CS: variants seen among roughly 807,000 people sequenced by gnomAD.
CS encodes citrate synthase, also known as citrate synthase, mitochondrial.
Under a neutral mutation model 61.4 loss-of-function variants are expected in CS, and 13 were observed. The observed-to-expected ratio is 0.21, with a 90% CI of 0.14 to 0.34. The LOEUF (loss-of-function observed/expected upper bound fraction) is 0.34. CS is among the 10% of genes least tolerant of loss of function. CS has a pLI of 1.00. For synonymous variants in CS, 159 were observed against 215.2 expected (o/e 0.74, Z 2.29); for missense variants, 278 against 573.4 (o/e 0.48, Z 5.26).
intron 6 of CS, among the ~76,000 whole-genome samples, chr12:56,276,586 G>A (rs1592405934): frequency 6.6e-6 from 1 of 152,170 alleles, no homozygotes; most frequent in African/African-American, 2.4e-5. Flanking sequence ...TTGTTGCCCA[G>A]GCTGGAGTGC....
At chr12:56,286,256 G>A in intron 2 of CS, 1 of 559,530 alleles carries the variant, frequency 1.8e-6, no homozygotes, top group South Asian at 2.3e-5. Context: ...TTCTGGAGAT[G>A]GATGGTTGCA....
intron 1 of CS, among the ~76,000 whole-genome samples, chr12:56,296,975 A>G (rs1335337144): frequency 2.0e-5 from 3 of 152,182 alleles, no homozygotes; most frequent in African/African-American, 7.2e-5. Context: ...TGTTGAACCC[A>G]ATTTCTGAGT....
At chr12:56,277,073 C>T (rs998128717) in intron 6 of CS, among the ~76,000 whole-genome samples, 2 of 150,594 alleles carry the variant, frequency 1.3e-5, no homozygotes, top group East Asian at 2.0e-4. Context: ...TGGTGTGGGC[C>T]GGCGCCTATA....
intron 10 of CS, 137 bp downstream of exon 10, chr12:56,273,450 C>G (rs1872559702): frequency 2.0e-6 from 2 of 1,019,706 alleles, no homozygotes; most frequent in Non-Finnish European, 2.9e-6. Flanking sequence ...AACCCCCAAC[C>G]CTCTCATAGT....
At chr12:56,283,311 T>C (rs910071666) in intron 4 of CS, among the ~76,000 whole-genome samples, 1 of 152,286 alleles carries the variant, frequency 6.6e-6, no homozygotes, top group Non-Finnish European at 1.5e-5. Context: ...TGGTGCGATC[T>C]CGGCTCACTG....
intron 3 of CS, among the ~76,000 whole-genome samples, chr12:56,284,319 CAAAAAAAA>C (rs57352870): frequency 4.1e-5 from 3 of 73,362 alleles, no homozygotes; most frequent in Non-Finnish European, 8.1e-5. Flanking sequence ...AACTCCATCT[CAAAAAAAA>C]AAAAAAAAAA....
At chr12:56,273,341 A>G (rs1318915644) in intron 10 of CS, 87 bp from the exon 11 acceptor site, 2 of 1,387,072 alleles carry the variant, frequency 1.4e-6, no homozygotes, top group Non-Finnish European at 2.0e-6. Context: ...TAAAAGCTAA[A>G]TTTTCCATTT....
intron 7 of CS, chr12:56,275,453 G>C: frequency 3.7e-6 from 1 of 268,656 alleles, no homozygotes; most frequent in Non-Finnish European, 7.3e-6. Flanking sequence ...CACATCTGTA[G>C]TCCTAGCTAC....
At chr12:56,292,709 C>T (rs1425195901) in intron 1 of CS, among the ~76,000 whole-genome samples, 2 of 146,896 alleles carry the variant, frequency 1.4e-5, no homozygotes, top group South Asian at 4.3e-4. Context: ...AGGGTGAAAC[C>T]CCATCTCTAC....
Position 56,282,797 on chromosome 12 carries a change from G to A in CS, c.399+63C>T. On this transcript the variant is annotated intron_variant, in intron 5 of 10. Coordinates refer to ENST00000351328, the MANE Select transcript of CS (RefSeq NM_004077.3). ...AATGCCGGATCAGCATTAAGTGTCTGAGATTAGAGAAAGGCAATGAAGAAG... is the reference window on the plus strand; with the variant it reads ...AATGCCGGATCAGCATTAAGTGTCTAAGATTAGAGAAAGGCAATGAAGAAG... 2.5e-6 allele frequency: 4 copies of A among 1,606,194 alleles called. No homozygotes were observed. The Admixed American group carries it at 6.7e-5, about 27-fold the overall frequency.
At chr12:56,288,419 T>C (rs747922177) in intron 1 of CS, among the ~76,000 whole-genome samples, 42 of 149,576 alleles carry the variant, frequency 2.8e-4, no homozygotes, top group Non-Finnish European at 5.0e-4. Context: ...TGGCGTGATC[T>C]CTGGCTCCCG....
At chr12:56,293,828 C>CCA (rs1873209829) in intron 1 of CS, among the ~76,000 whole-genome samples, 1 of 152,240 alleles carries the variant, frequency 6.6e-6, no homozygotes, top group Non-Finnish European at 1.5e-5. Context: ...GCTTGCCAAG[C>CCA]CAGCAGGACT....
chr12:56,299,439 G>C (rs1873408911), intron 1 of CS, among the ~76,000 whole-genome samples: 1 of 152,176 alleles, frequency 6.6e-6, no homozygotes, highest in Non-Finnish European at 1.5e-5. Context: ...CTTGGCATTA[G>C]TATCTCTTGC....
At chr12:56,280,168 C>A (rs1428361834) in intron 6 of CS, among the ~76,000 whole-genome samples, 1 of 152,044 alleles carries the variant, frequency 6.6e-6, no homozygotes, top group Non-Finnish European at 1.5e-5. Flanking sequence ...GTAATCCCAG[C>A]ACTTTGGGAG....
At chr12:56,279,137 T>G (rs1271843511) in intron 6 of CS, among the ~76,000 whole-genome samples, 4 of 152,214 alleles carry the variant, frequency 2.6e-5, no homozygotes, top group Admixed American at 1.3e-4. Flanking sequence ...AGCTTAAGGC[T>G]ACTTCACAAT....
intron 1 of CS, 113 bp downstream of exon 1, chr12:56,300,047 C>A: frequency 9.1e-7 from 1 of 1,097,428 alleles, no homozygotes; most frequent in Non-Finnish European, 1.3e-6. Flanking sequence ...GCGCAGGGCC[C>A]TTTAAGGCGC....
intron 1 of CS, among the ~76,000 whole-genome samples, chr12:56,294,167 C>G (rs1227806016): frequency 6.6e-6 from 1 of 152,070 alleles, no homozygotes; most frequent in Non-Finnish European, 1.5e-5. Context: ...CCAACAGTCT[C>G]TTCACGTGAA....
At chr12:56,275,173 G>C in intron 7 of CS, 42 bp from the exon 8 acceptor site, 1 of 1,612,896 alleles carries the variant, frequency 6.2e-7, no homozygotes, top group Non-Finnish European at 8.5e-7. Flanking sequence ...AAGAAAGAAG[G>C]GGCAGATTAT....
At chr12:56,274,658 G>C (rs1244122025) in intron 9 of CS, 119 bp downstream of exon 9, 1 of 773,388 alleles carries the variant, frequency 1.3e-6, no homozygotes, top group African/African-American at 1.8e-5. Context: ...CTTCAAGGTA[G>C]ATAAATGAAG....
Sources: gnomAD v4.1 joint callset for allele counts (sites outside exome capture counted in the v4.1 genomes callset) on GRCh38, gnomAD v4.1.1 for gene constraint, MANE v1.5 for transcripts, NCBI Gene and HGNC (gene_info 2026-07-23, HGNC 2026-07-21) for gene names.